Variants in TMEM33 observed in about 807,000 individuals in gnomAD.
The protein encoded by TMEM33 is transmembrane protein 33.
In TMEM33, 16 loss-of-function variants were observed where a neutral mutation model predicts 29.7. That is an observed-to-expected ratio of 0.54 (90% confidence interval 0.36 to 0.82). The LOEUF is 0.82. TMEM33 is among the 40% of genes least tolerant of loss of function. The pLI is 0.00. For missense variants in TMEM33, 252 were observed against 295.3 expected (o/e 0.85, Z 1.08); for synonymous variants, 112 against 109.4 (o/e 1.02, Z -0.15).
chr4:41,942,712 T>A (rs935962592), intron 3 of TMEM33, among the ~76,000 whole-genome samples: 25 of 152,164 alleles, frequency 1.6e-4, no homozygotes, highest in African/African-American at 5.8e-4. Flanking sequence ...TTTGAACAAT[T>A]TCCATTTTTC....
At chr4:41,942,337 A>T (rs1177952386) in intron 3 of TMEM33, among the ~76,000 whole-genome samples, 3 of 152,180 alleles carry the variant, frequency 2.0e-5, no homozygotes, top group African/African-American at 7.2e-5. Context: ...AGAGGTGGGA[A>T]TGAGTTGGTC....
At position 41,943,830 on chromosome 4, in the gene TMEM33, C is replaced by G. The variant is rs1433641402; in HGVS notation, c.396+16C>G. On this transcript the variant is annotated intron_variant, in intron 4 of 6. Transcript: ENST00000504986. The stretch of plus-strand genomic sequence containing the variant: ...GGTCCTTGACGTAAGTAAAACTGCT[C>G]TTTGTCTGACTTCTGAATTACAGAT... The G allele has an allele frequency of 1.4e-5, 22 of 1,608,288 alleles. No individual in the cohort carries two copies. Among genetic ancestry groups the G allele is most frequent in the Middle Eastern group, 3.3e-4 (2 of 6,070 alleles).
chr4:41,938,452 G>A, intron 1 of TMEM33, 150 bp from the exon 2 acceptor site: 1 of 681,246 alleles, frequency 1.5e-6, no homozygotes, highest in South Asian at 1.8e-5. Flanking sequence ...CATGAAACAT[G>A]TAATTGCCTT....
Position 41,956,877 on chromosome 4 carries a change from AGGAATATCTACAACC to A in TMEM33, c.*2681_*2695del. On this transcript the variant is annotated 3_prime_UTR_variant, in exon 7 of 7. Transcript: ENST00000504986. ...AACTCATAGTTAGAAATTCTGCAATAGGAATATCTACAACCGGCTGATTTGGAATTTGAAATTATA... is the reference window on the plus strand; with the variant it reads ...AACTCATAGTTAGAAATTCTGCAATAGGCTGATTTGGAATTTGAAATTATA... The A allele has an allele frequency of 6.6e-6, 1 of 152,336 alleles. No individual in the cohort carries two copies. The highest frequency in any genetic ancestry group is 2.1e-4 in the South Asian group (1 of 4,830). The allele number at this position is 152,336 out of a possible 1,614,324, so 9.4% of individuals were successfully genotyped here.
intron 3 of TMEM33, chr4:41,939,645 C>G (rs1712420559): frequency 1.8e-6 from 1 of 544,290 alleles, no homozygotes; most frequent in African/African-American, 1.9e-5. Flanking sequence ...TTCAAATTCC[C>G]CTTCGAAGCA....
In TMEM33 at chr4:41,956,136, C is replaced by A. The variant is rs528112155; in HGVS notation, c.*1937C>A. ...GGGACTACAGGTGCACGCCACCACG[C>A]CTGTAGTCCCAGCTGTATTGTAAAA... On this transcript the variant is annotated 3_prime_UTR_variant, in exon 7 of 7. Coordinates refer to ENST00000504986, the MANE Select transcript of TMEM33 (RefSeq NM_018126.3). The A allele has an allele frequency of 6.6e-6, 1 of 152,242 alleles. No homozygotes were observed. Among genetic ancestry groups the A allele is most frequent in the Admixed American group, 6.5e-5 (1 of 15,290 alleles). The allele number at this position is 152,242 out of a possible 1,614,324, so 9.4% of individuals were successfully genotyped here. A position where few individuals can be genotyped will look rare whatever the true frequency, so the allele number is the denominator to read the frequency against.
In TMEM33 at chr4:41,943,760, A is replaced by C; in HGVS notation, c.342A>C (p.Pro114=). The change falls in exon 4 of 7, where the codon CCA becomes CCC. Residue 114 remains proline, a synonymous_variant. Transcript: ENST00000504986. ...TGTTTTCTTTAGTGAGTATCTTCCCAGTCTTGTTATTCTCTTTGCTTCATG... is the reference window on the plus strand; with the variant it reads ...TGTTTTCTTTAGTGAGTATCTTCCCCGTCTTGTTATTCTCTTTGCTTCATG... ...NSYPVTMSIF[P]VLLFSLLHAA... The C allele has an allele frequency of 6.2e-7, 1 of 1,613,752 alleles. No individual in the cohort carries two copies. Among genetic ancestry groups the C allele is most frequent in the Non-Finnish European group, 8.5e-7 (1 of 1,179,874 alleles).
At chr4:41,938,237 A>T (rs531373999) in intron 1 of TMEM33, among the ~76,000 whole-genome samples, 1 of 152,356 alleles carries the variant, frequency 6.6e-6, no homozygotes, top group South Asian at 2.1e-4. Context: ...ATGTTCTTTT[A>T]AAATAGATGA....
chr4:41,947,720 T>G (rs1360556588), intron 5 of TMEM33, among the ~76,000 whole-genome samples: 2 of 152,290 alleles, frequency 1.3e-5, no homozygotes, highest in South Asian at 2.1e-4. Flanking sequence ...AAGAACAGTC[T>G]TACATTACTG....
chr4:41,939,457 A>C, intron 3 of TMEM33, 74 bp downstream of exon 3: 1 of 1,495,234 alleles, frequency 6.7e-7, no homozygotes, highest in South Asian at 1.2e-5. Context: ...TTATTTCAGC[A>C]ATGAAGGCAT....
chr4:41,948,426 GT>G (rs1188338186), intron 5 of TMEM33, among the ~76,000 whole-genome samples: 4 of 151,904 alleles, frequency 2.6e-5, no homozygotes, highest in African/African-American at 7.2e-5. Context: ...GAAAATGGAT[GT>G]TGCATTTGTT....
chr4:41,937,752 A>G (rs1712312658), intron 1 of TMEM33, among the ~76,000 whole-genome samples: 1 of 152,248 alleles, frequency 6.6e-6, no homozygotes, highest in Non-Finnish European at 1.5e-5. Flanking sequence ...ACTTTTGAAT[A>G]TAAGATACAT....
In TMEM33 at chr4:41,939,299, G is replaced by A. The variant is rs191956990; in HGVS notation, c.244G>A (p.Ala82Thr). 9 of 1,613,956 alleles carry A rather than the reference G, an allele frequency of 5.6e-6. No individual in the cohort carries two copies. Among genetic ancestry groups the A allele is most frequent in the Non-Finnish European group, 7.6e-6 (9 of 1,179,970 alleles). ...QRLPHFQLSR[A>T]FLAQALLEDS... is the part of the protein sequence containing the mutation. ...ATTACCACACTTCCAGTTAAGCAGAGCATTCCTGGCCCAGGCTTTGTTAGA... is the reference window on the plus strand; with the variant it reads ...ATTACCACACTTCCAGTTAAGCAGAACATTCCTGGCCCAGGCTTTGTTAGA... Residue 82 changes from alanine to threonine, a missense_variant, in exon 3 of 7, where the codon GCA becomes ACA. Physicochemically the swap from Ala to Thr is moderately conservative, Grantham distance 58. Coordinates refer to ENST00000504986, the MANE Select transcript of TMEM33 (RefSeq NM_018126.3).
rs747820286 is a variant in TMEM33 at position 41,935,493 on chromosome 4, T to A, written c.9T>A (p.Asp3Glu). ...CGCTAGTGTGAGCCCCCATGGCAGA[T>A]ACGACCCCGAACGGCCCCCAAGGGG... MA[D>E]TTPNGPQGAG... The change falls in exon 1 of 7, where the codon GAT becomes GAA. Residue 3 changes from aspartate (D) to glutamate (E), a missense_variant. Coordinates refer to ENST00000504986, the MANE Select transcript of TMEM33 (RefSeq NM_018126.3). The A allele has an allele frequency of 1.2e-6, 2 of 1,609,950 alleles. No individual in the cohort carries two copies. Among genetic ancestry groups the A allele is most frequent in the Admixed American group, 3.4e-5 (2 of 59,310 alleles).
Position 41,939,187 on chromosome 4 carries a change from A to T in TMEM33, c.141-9A>T. 1 of 1,588,878 alleles carries T rather than the reference A, an allele frequency of 6.3e-7. No homozygotes were observed. Among genetic ancestry groups the T allele is most frequent in the Non-Finnish European group, 8.5e-7 (1 of 1,171,404 alleles). ...GTCTCATGATAACCTCTCCTCTGGT[A>T]ATTTGCAGGTTGCATGAAGCAGCAA... On this transcript the variant is annotated splice_polypyrimidine_tract_variant and intron_variant, in intron 2 of 6. Coordinates refer to ENST00000504986, the MANE Select transcript of TMEM33 (RefSeq NM_018126.3).
In TMEM33 at chr4:41,960,361, T is replaced by C. The variant is rs989366623; in HGVS notation, c.*6162T>C. 6 of 152,166 alleles carry C rather than the reference T, an allele frequency of 3.9e-5. No homozygotes were observed. Among genetic ancestry groups the C allele is most frequent in the Non-Finnish European group, 7.4e-5 (5 of 67,990 alleles). 9.4% of individuals were successfully genotyped at this position (152,166 alleles called of 1,614,324 possible). A position where few individuals can be genotyped will look rare whatever the true frequency, so the allele number is the denominator to read the frequency against. On this transcript the variant is annotated 3_prime_UTR_variant, in exon 7 of 7. Coordinates refer to ENST00000504986, the MANE Select transcript of TMEM33 (RefSeq NM_018126.3). ...AAATTTGATGGTGTGAAATTGGAAGTATCAAGGGCTTTCTTTGGTGATTGA... is the reference window on the plus strand; with the variant it reads ...AAATTTGATGGTGTGAAATTGGAAGCATCAAGGGCTTTCTTTGGTGATTGA...
chr4:41,935,572 T>C (rs774242924), intron 1 of TMEM33, 43 bp downstream of exon 1: 3 of 1,578,746 alleles, frequency 1.9e-6, no homozygotes, highest in Non-Finnish European at 2.6e-6. Flanking sequence ...TTGCAAGAGT[T>C]AGGAAGAAGC....
intron 1 of TMEM33, among the ~76,000 whole-genome samples, chr4:41,938,163 G>A (rs1301287111): frequency 6.6e-6 from 1 of 152,094 alleles, no homozygotes; most frequent in Non-Finnish European, 1.5e-5. Flanking sequence ...CTACCTATTC[G>A]GATTTGAGAT....
At chr4:41,951,440 C>A (rs947565695) in intron 6 of TMEM33, among the ~76,000 whole-genome samples, 17 of 152,248 alleles carry the variant, frequency 1.1e-4, no homozygotes, top group African/African-American at 4.1e-4. Context: ...GTTCAAAGTT[C>A]TGTTGTCCGT....
Sources: allele counts gnomAD v4.1 joint callset (sites outside exome capture counted in the v4.1 genomes callset), GRCh38; gene constraint gnomAD v4.1.1; transcripts MANE v1.5; gene names NCBI Gene and HGNC (gene_info 2026-07-23, HGNC 2026-07-21).